Variants in SLF1 observed in about 807,000 individuals in gnomAD.
SLF1 encodes the protein SMC5-SMC6 complex localization factor protein 1.
In SLF1, 105 loss-of-function variants were observed where a neutral mutation model predicts 123.0. The observed-to-expected ratio is 0.85, with a 90% CI of 0.73 to 1.00. The LOEUF is 1.00. Among genes scored for constraint, SLF1 ranks in the 50% least tolerant of loss-of-function variants. The pLI is 0.00. For missense variants in SLF1, 1,239 were observed against 1,223.0 expected (o/e 1.01, Z -0.20); for synonymous variants, 434 against 406.6 (o/e 1.07, Z -0.81).
intron 14 of SLF1, among the ~76,000 whole-genome samples, chr5:94,675,600 G>A (rs1228552248): frequency 6.6e-6 from 1 of 152,090 alleles, no homozygotes; most frequent in Non-Finnish European, 1.5e-5. Context: ...TAAGATTATG[G>A]TATAAAAGGA....
At chr5:94,648,228 C>G (rs1451733) in intron 5 of SLF1, among the ~76,000 whole-genome samples, 1 of 152,224 alleles carries the variant, frequency 6.6e-6, no homozygotes, top group Middle Eastern at 3.4e-3. Flanking sequence ...TCTTTATTTT[C>G]TTAGTTTTCA....
Position 94,643,379 on chromosome 5 carries a change from G to T in SLF1, c.538G>T (p.Asp180Tyr), listed in dbSNP as rs1263025753. 1 of 1,542,872 alleles carries T rather than the reference G, an allele frequency of 6.5e-7. No homozygotes were observed. Among genetic ancestry groups the T allele is most frequent in the Non-Finnish European group, 8.8e-7 (1 of 1,141,674 alleles). Residue 180 changes from aspartate to tyrosine, a missense_variant, in exon 5 of 21, where the codon GAT becomes TAT. Physicochemically the swap from Asp to Tyr is radical, Grantham distance 160. Coordinates refer to ENST00000265140, the MANE Select transcript of SLF1 (RefSeq NM_032290.4). ...AAGAATTAAAGCTGAGAAAGAAAAA[G>T]ATAACTTTAAGGCTCCATTTTATCC... ...NARIKAEKEK[D>Y]NFKAPFYPIQ...
intron 1 of SLF1, among the ~76,000 whole-genome samples, chr5:94,620,823 CT>C (rs1161732551): frequency 6.6e-6 from 1 of 152,136 alleles, no homozygotes; most frequent in Non-Finnish European, 1.5e-5. Flanking sequence ...AACCCTGGAA[CT>C]TTTAAGTTCA....
At chr5:94,656,576 T>C (rs1275987889) in intron 9 of SLF1, among the ~76,000 whole-genome samples, 1 of 152,060 alleles carries the variant, frequency 6.6e-6, no homozygotes, top group East Asian at 1.9e-4. Context: ...TTGATAGTTC[T>C]TTATACATTT....
chr5:94,693,032 A>G (rs2152499873), intron 20 of SLF1, among the ~76,000 whole-genome samples: 1 of 152,298 alleles, frequency 6.6e-6, no homozygotes, highest in Non-Finnish European at 1.5e-5. Flanking sequence ...ATTTGTAGAA[A>G]TTACTTGTCG....
intron 9 of SLF1, among the ~76,000 whole-genome samples, chr5:94,655,168 C>T (rs1167203552): frequency 6.6e-6 from 1 of 152,160 alleles, no homozygotes; most frequent in African/African-American, 2.4e-5. Context: ...ATCCAGTTTT[C>T]CCAACATCAT....
intron 18 of SLF1, among the ~76,000 whole-genome samples, chr5:94,690,573 A>G (rs1447778873): frequency 1.3e-5 from 2 of 152,206 alleles, no homozygotes; most frequent in Non-Finnish European, 2.9e-5. Context: ...TATAGTAGAG[A>G]AAAACTTCAA....
chr5:94,685,593 A>G (rs894864737), intron 15 of SLF1, among the ~76,000 whole-genome samples: 1 of 152,054 alleles, frequency 6.6e-6, no homozygotes, highest in Non-Finnish European at 1.5e-5. Context: ...TCATGGGTAT[A>G]TTTATGCATT....
chr5:94,646,073 A>G (rs1479665436), intron 5 of SLF1, among the ~76,000 whole-genome samples: 1 of 152,184 alleles, frequency 6.6e-6, no homozygotes, highest in Non-Finnish European at 1.5e-5. Context: ...CAACGTAGCG[A>G]GACTCCATAT....
chr5:94,694,590 TTA>T (rs1331152363), intron 20 of SLF1, among the ~76,000 whole-genome samples: 1 of 151,914 alleles, frequency 6.6e-6, no homozygotes, highest in Non-Finnish European at 1.5e-5. Flanking sequence ...GTAGTTGTAT[TTA>T]TTATTTATTT....
chr5:94,653,776 A>G (rs1049539289), intron 8 of SLF1, among the ~76,000 whole-genome samples: 24 of 152,150 alleles, frequency 1.6e-4, no homozygotes, highest in Admixed American at 6.5e-4. Flanking sequence ...GCTCTTTTGT[A>G]TAGTACAGAC....
In SLF1 at chr5:94,678,970, G is replaced by T; in HGVS notation, c.1975+15G>T. 6.2e-7 allele frequency: 1 copy of T among 1,609,086 alleles called. No homozygotes were observed. The highest frequency in any genetic ancestry group is 1.1e-5 in the South Asian group (1 of 90,004). The stretch of plus-strand genomic sequence containing the variant: ...TTCGTGTGATGGTAAGTTTGTCTAT[G>T]TTCTGTTTTTTTCAGACCCATTCTG... On this transcript the variant is annotated intron_variant, in intron 15 of 20. Coordinates refer to ENST00000265140, the MANE Select transcript of SLF1 (RefSeq NM_032290.4).
chr5:94,626,436 T>A (rs1047069952), intron 1 of SLF1, among the ~76,000 whole-genome samples: 6 of 152,134 alleles, frequency 3.9e-5, no homozygotes, highest in African/African-American at 1.2e-4. Context: ...TAACTTTTTT[T>A]AAAAAGCATT....
intron 16 of SLF1, among the ~76,000 whole-genome samples, chr5:94,687,872 ATTTAAAAAG>A (rs1752615540): frequency 6.6e-6 from 1 of 152,082 alleles, no homozygotes; most frequent in Non-Finnish European, 1.5e-5. Context: ...TCTAAATGGT[ATTTAAAAAG>A]CAAAATATTA....
At chr5:94,676,668 C>T (rs1192112530) in intron 14 of SLF1, among the ~76,000 whole-genome samples, 4 of 152,236 alleles carry the variant, frequency 2.6e-5, no homozygotes, top group African/African-American at 2.4e-5. Flanking sequence ...TAGCCCTACA[C>T]GAATGCAGTA....
chr5:94,642,650 CT>C (rs1205958895), intron 4 of SLF1, among the ~76,000 whole-genome samples: 1 of 152,102 alleles, frequency 6.6e-6, no homozygotes, highest in Non-Finnish European at 1.5e-5. Flanking sequence ...TCTCTTGTGG[CT>C]TTCTAAAGCC....
At position 94,641,464 on chromosome 5, in the gene SLF1, C is replaced by G. The variant is rs552952893; in HGVS notation, c.432-1809C>G. Among the ~76,000 whole-genome samples, 440 of 152,256 alleles carry G rather than the reference C, an allele frequency of 2.9e-3. 1 individual carries two copies. Among genetic ancestry groups the G allele is most frequent in the Non-Finnish European group, 5.5e-3 (371 of 68,012 alleles). Reference sequence around the variant, plus strand: ...AGTCTTCAGTATTCTGTTAGAGCAGCAGAAAACAACAAGACAGCTGAATTT... The same window carrying G: ...AGTCTTCAGTATTCTGTTAGAGCAGGAGAAAACAACAAGACAGCTGAATTT... On this transcript the variant is annotated intron_variant, in intron 4 of 20. Coordinates refer to ENST00000265140, the MANE Select transcript of SLF1 (RefSeq NM_032290.4).
chr5:94,658,167 T>TTG (rs1748645263), intron 9 of SLF1, among the ~76,000 whole-genome samples: 1 of 151,622 alleles, frequency 6.6e-6, no homozygotes, highest in Admixed American at 6.6e-5. Flanking sequence ...TTTTTGTTTT[T>TTG]TTTTTTTTAG....
chr5:94,691,391 C>T, intron 18 of SLF1, 173 bp from the exon 19 acceptor site: 32 of 193,696 alleles, frequency 1.7e-4, no homozygotes, highest in Middle Eastern at 2.1e-3. Context: ...CTTCCCCTTC[C>T]CACCCCCCAC....
Sources: gnomAD v4.1 joint callset for allele counts (sites outside exome capture counted in the v4.1 genomes callset) on GRCh38, gnomAD v4.1.1 for gene constraint, MANE v1.5 for transcripts, NCBI Gene and HGNC (gene_info 2026-07-23, HGNC 2026-07-21) for gene names.